SGCZ: variants seen among roughly 807,000 people sequenced by gnomAD.
SGCZ encodes the protein zeta-sarcoglycan.
SGCZ carries 40 observed loss-of-function variants against 41.3 expected under a neutral mutation model. The observed-to-expected ratio is 0.97, with a 90% CI of 0.75 to 1.26. The LOEUF is 1.26. Ranked by LOEUF, SGCZ falls within the 50% of genes most tolerant of loss-of-function variation. The pLI is 0.00. For missense variants in SGCZ, 552 were observed against 369.8 expected, an observed-to-expected ratio of 1.49 and a Z score of -4.04; for synonymous variants, 206 against 137.5, an observed-to-expected ratio of 1.50 and a Z score of -3.49.
intron 1 of SGCZ, among the ~76,000 whole-genome samples, chr8:15,133,323 G>A (rs1008978075): frequency 6.6e-5 from 10 of 152,088 alleles, no homozygotes; most frequent in Non-Finnish European, 1.2e-4. Context: ...CACTTTGTAA[G>A]TCAGTACTTG....
chr8:14,236,952 A>G (rs1241642915), intron 4 of SGCZ, among the ~76,000 whole-genome samples: 3 of 152,012 alleles, frequency 2.0e-5, no homozygotes, highest in East Asian at 1.9e-4. Context: ...TAAAGCCTAT[A>G]AATCTTAAAA....
At chr8:14,338,862 G>A (rs1165770422) in intron 2 of SGCZ, among the ~76,000 whole-genome samples, 1 of 152,038 alleles carries the variant, frequency 6.6e-6, no homozygotes, top group East Asian at 1.9e-4. Context: ...ATGTTTTAAG[G>A]AGCAGGTAAG....
intron 7 of SGCZ, among the ~76,000 whole-genome samples, chr8:14,099,441 T>C (rs997264557): frequency 3.3e-5 from 5 of 152,116 alleles, no homozygotes; most frequent in Non-Finnish European, 5.9e-5. Context: ...AAAAAATTGT[T>C]TTTGGTCAGG....
chr8:14,169,408 T>C (rs1047701571), intron 4 of SGCZ, among the ~76,000 whole-genome samples: 2 of 152,152 alleles, frequency 1.3e-5, no homozygotes, highest in African/African-American at 2.4e-5. Flanking sequence ...AATCAGGCAT[T>C]ATCTCGTCAG....
intron 1 of SGCZ, among the ~76,000 whole-genome samples, chr8:14,884,751 CATT>C (rs968770042): frequency 2.6e-5 from 4 of 152,000 alleles, no homozygotes; most frequent in African/African-American, 9.7e-5. Flanking sequence ...TATTTAGTAA[CATT>C]ATATTTTATG....
intron 1 of SGCZ, among the ~76,000 whole-genome samples, chr8:14,652,362 G>GGGT (rs1450694271): frequency 9.3e-6 from 1 of 107,672 alleles, no homozygotes; most frequent in South Asian, 3.8e-4. Context: ...GGGTGTGGGG[G>GGGT]GGAGAAAACA....
chr8:14,634,414 C>A (rs1422239423), intron 1 of SGCZ, among the ~76,000 whole-genome samples: 2 of 151,716 alleles, frequency 1.3e-5, no homozygotes, highest in Non-Finnish European at 2.9e-5. Flanking sequence ...CCACACTCAA[C>A]GCCACACATT....
rs58817872 is a variant in SGCZ at position 14,908,743 on chromosome 8, CAAA to C, written c.39+328839_39+328841del. Among the ~76,000 whole-genome samples the C allele has an allele frequency of 5.8e-3, 524 of 91,104 alleles. 3 individuals are homozygous for C. The highest frequency in any genetic ancestry group is 0.031 in the South Asian group (68 of 2,198). The allele number at this position is 91,104 out of a possible 152,430, so 59.8% of individuals were successfully genotyped here. ...CCAGCCTGGTGATCTGTCACCGTTG[CAAA>C]AAAAAAAAAAAAAAAAAGAGAGAGA... On this transcript the variant is annotated intron_variant, in intron 1 of 7. Transcript: ENST00000382080.
At chr8:14,654,173 A>G (rs1807488036) in intron 1 of SGCZ, among the ~76,000 whole-genome samples, 1 of 152,016 alleles carries the variant, frequency 6.6e-6, no homozygotes, top group Admixed American at 6.6e-5. Flanking sequence ...CATAGCATTT[A>G]TTCTAAAATA....
intron 5 of SGCZ, among the ~76,000 whole-genome samples, chr8:14,163,003 T>C (rs540139275): frequency 3.7e-4 from 57 of 152,288 alleles, no homozygotes; most frequent in African/African-American, 1.3e-3. Context: ...CCTGAGTAGC[T>C]GGGACTATGG....
intron 1 of SGCZ, among the ~76,000 whole-genome samples, chr8:14,620,737 A>G (rs1806257449): frequency 6.6e-6 from 1 of 152,206 alleles, no homozygotes; most frequent in Non-Finnish European, 1.5e-5. Context: ...AACCACAATG[A>G]GATACCATCT....
chr8:14,721,913 G>A (rs1217554677), intron 1 of SGCZ, among the ~76,000 whole-genome samples: 2 of 152,020 alleles, frequency 1.3e-5, no homozygotes, highest in Non-Finnish European at 2.9e-5. Flanking sequence ...CCTGTTCCTT[G>A]GAAATTTCAG....
chr8:14,794,691 GT>G (rs1801068595), intron 1 of SGCZ, among the ~76,000 whole-genome samples: 1 of 152,162 alleles, frequency 6.6e-6, no homozygotes, highest in South Asian at 2.1e-4. Flanking sequence ...AGACTGAAAA[GT>G]TCCAACGCAA....
At chr8:14,173,115 A>G (rs17118746) in intron 4 of SGCZ, among the ~76,000 whole-genome samples, 1,826 of 152,230 alleles carry the variant, frequency 0.012, 36 homozygotes, top group African/African-American at 0.042. Flanking sequence ...GTCTAAAATC[A>G]TACTTGAACA....
At chr8:14,901,278 A>G (rs866176745) in intron 1 of SGCZ, among the ~76,000 whole-genome samples, 8 of 152,186 alleles carry the variant, frequency 5.3e-5, no homozygotes, top group South Asian at 4.1e-4. Flanking sequence ...ACTCACTGGT[A>G]ACCACAGTTT....
At chr8:14,739,693 T>A (rs1369621579) in intron 1 of SGCZ, among the ~76,000 whole-genome samples, 2 of 152,004 alleles carry the variant, frequency 1.3e-5, no homozygotes, top group Non-Finnish European at 2.9e-5. Context: ...ACAAAATCCT[T>A]AAGGATGATA....
chr8:15,179,047 T>C (rs544571648), intron 1 of SGCZ, among the ~76,000 whole-genome samples: 1 of 152,170 alleles, frequency 6.6e-6, no homozygotes, highest in East Asian at 1.9e-4. Flanking sequence ...AAACTACGTA[T>C]TATATCCATG....
intron 2 of SGCZ, among the ~76,000 whole-genome samples, chr8:14,357,061 A>C (rs1803323766): frequency 6.6e-6 from 1 of 152,142 alleles, no homozygotes; most frequent in South Asian, 2.1e-4. Flanking sequence ...ATTTTATGCA[A>C]AAGTAAATGA....
intron 1 of SGCZ, among the ~76,000 whole-genome samples, chr8:15,002,713 C>G (rs1286849266): frequency 2.0e-5 from 3 of 152,154 alleles, no homozygotes; most frequent in Admixed American, 6.5e-5. Context: ...GAACCACCGT[C>G]ACAATAAAAA....
Sources: gnomAD v4.1 joint callset for allele counts (sites outside exome capture counted in the v4.1 genomes callset) on GRCh38, gnomAD v4.1.1 for gene constraint, MANE v1.5 for transcripts, NCBI Gene and HGNC (gene_info 2026-07-23, HGNC 2026-07-21) for gene names.